The following DLGAP5 variants were observed in gnomAD, a reference collection of about 807,000 sequenced individuals.
The protein encoded by DLGAP5 is disks large-associated protein 5.
DLGAP5 carries 90 observed loss-of-function variants against 99.6 expected under a neutral mutation model. The ratio of observed to expected loss-of-function variants is 0.90; its 90% CI spans 0.76 to 1.08. The LOEUF is 1.08. Ranked by LOEUF, DLGAP5 falls within the 50% of genes least tolerant of loss-of-function variation. DLGAP5 has a pLI of 0.00. For synonymous variants in DLGAP5, 311 were observed against 321.3 expected (o/e 0.97, Z 0.34); for missense variants, 1,036 against 983.5 (o/e 1.05, Z -0.71).
intron 12 of DLGAP5, among the ~76,000 whole-genome samples, chr14:55,165,275 T>C (rs140274981): frequency 1.1e-3 from 172 of 152,192 alleles, no homozygotes; most frequent in Non-Finnish European, 2.0e-3. Context: ...ATCCTAGCAT[T>C]TTGGGAGGCT....
intron 12 of DLGAP5, among the ~76,000 whole-genome samples, chr14:55,163,562 T>TG (rs2140312332): frequency 6.6e-6 from 1 of 152,370 alleles, no homozygotes; most frequent in South Asian, 2.1e-4. Context: ...CTAGATCGTA[T>TG]GGTAGGAGTA....
intron 10 of DLGAP5, among the ~76,000 whole-genome samples, chr14:55,173,971 T>C (rs1050123334): frequency 1.3e-4 from 20 of 152,136 alleles, no homozygotes; most frequent in African/African-American, 3.4e-4. Context: ...GTGGGCACCT[T>C]GAAAAAACAG....
intron 13 of DLGAP5, among the ~76,000 whole-genome samples, chr14:55,161,795 A>AGTGATT (rs1882447092): frequency 6.9e-6 from 1 of 144,884 alleles, no homozygotes; most frequent in Non-Finnish European, 1.5e-5. Context: ...AATCACTTGA[A>AGTGATT]CTCAGGAGTC....
At chr14:55,164,013 A>G (rs1882544228) in intron 12 of DLGAP5, among the ~76,000 whole-genome samples, 1 of 152,216 alleles carries the variant, frequency 6.6e-6, no homozygotes. Context: ...ATTTTAAAAG[A>G]TACAAGTGTA....
At chr14:55,180,282 G>A (rs981674958) in intron 6 of DLGAP5, among the ~76,000 whole-genome samples, 2 of 152,114 alleles carry the variant, frequency 1.3e-5, no homozygotes, top group Non-Finnish European at 2.9e-5. Context: ...TTTTAGAACT[G>A]CGATCCTACT....
At chr14:55,179,482 C>A in intron 7 of DLGAP5, 147 bp downstream of exon 7, 1 of 540,954 alleles carries the variant, frequency 1.8e-6, no homozygotes, top group Non-Finnish European at 3.1e-6. Flanking sequence ...AGAGTAAATC[C>A]TCTTGATGCT....
intron 16 of DLGAP5, among the ~76,000 whole-genome samples, chr14:55,152,199 G>T (rs373964209): frequency 1.3e-5 from 2 of 152,196 alleles, no homozygotes; most frequent in African/African-American, 4.8e-5. Flanking sequence ...TTCTGTAAAA[G>T]ATCAAATAGT....
In DLGAP5 at chr14:55,176,090, T is replaced by C. The variant is rs551035939; in HGVS notation, c.1050-72A>G. The C allele has an allele frequency of 2.3e-5, 30 of 1,331,234 alleles. No homozygotes were observed. The Middle Eastern group carries it at 8.7e-4, about 39-fold the overall frequency. The allele number at this position is 1,331,234 out of a possible 1,614,324, so 82.5% of individuals were successfully genotyped here. On this transcript the variant is annotated intron_variant, in intron 8 of 18. Coordinates refer to ENST00000247191, the MANE Select transcript of DLGAP5 (RefSeq NM_014750.5). ...TATCTAATATAAAGGGTTTCAAAAT[T>C]GTGTCACTTGTAGATCTGGGCTAAA...
rs1165188284 is a variant in DLGAP5 at position 55,166,880 on chromosome 14, A to T, written c.1548+2519T>A. Among the ~76,000 whole-genome samples the T allele has an allele frequency of 8.7e-5, 10 of 114,888 alleles. No homozygotes were observed. The South Asian group carries it at 1.4e-3, about 16-fold the overall frequency. 75.4% of individuals were successfully genotyped at this position (114,888 alleles called of 152,430 possible). ...TACCTCATATAGCTCTTTTGTGTTT[A>T]AAAAAAAAAAAAAAAGTGCCCCAAT... On this transcript the variant is annotated intron_variant, in intron 12 of 18. Coordinates refer to ENST00000247191, the MANE Select transcript of DLGAP5 (RefSeq NM_014750.5).
chr14:55,180,924 C>G lies in DLGAP5; in HGVS notation c.581-146G>C. On this transcript the variant is annotated intron_variant, in intron 5 of 18. Transcript: ENST00000247191. Reference sequence around the variant, plus strand: ...TTCAGCCCAGGAGTTCGAAACCAGCCTAGGCAACATAGTGAGACCCCGTCT... The same window carrying G: ...TTCAGCCCAGGAGTTCGAAACCAGCGTAGGCAACATAGTGAGACCCCGTCT... The G allele has an allele frequency of 3.0e-6, 3 of 1,008,742 alleles. 1 individual carries two copies. In the South Asian group the frequency reaches 4.7e-5, roughly 16 times the overall value. The allele number at this position is 1,008,742 out of a possible 1,614,324, so 62.5% of individuals were successfully genotyped here. A position where few individuals can be genotyped will look rare whatever the true frequency, so the allele number is the denominator to read the frequency against.
At chr14:55,172,340 C>CAA (rs879341861) in intron 10 of DLGAP5, among the ~76,000 whole-genome samples, 180 of 98,284 alleles carry the variant, frequency 1.8e-3, no homozygotes, top group African/African-American at 7.0e-3. Context: ...AAAAAAAATA[C>CAA]AAAAAAAAAA....
chr14:55,173,588 T>C (rs1176810694), intron 10 of DLGAP5, among the ~76,000 whole-genome samples: 1 of 104,806 alleles, frequency 9.5e-6, no homozygotes, highest in Non-Finnish European at 1.8e-5. Flanking sequence ...ATATATGTTG[T>C]CTCTCTCTCT....
rs397852487 is a variant in DLGAP5, at chr14:55,188,779, T to TA, written c.238+162dup. 3.3e-3 allele frequency among the ~76,000 whole-genome samples: 383 copies of TA among 116,160 alleles called. 1 individual carries two copies. Among genetic ancestry groups the TA allele is most frequent in the East Asian group, 8.6e-3 (36 of 4,162 alleles). The allele number at this position is 116,160 out of a possible 152,430, so 76.2% of individuals were successfully genotyped here. On this transcript the variant is annotated intron_variant, in intron 2 of 18. Coordinates refer to ENST00000247191, the MANE Select transcript of DLGAP5 (RefSeq NM_014750.5). Reference sequence around the variant, plus strand: ...CAGTGAGACCCTGTCTCTTGTAATTTAAAAAAAAAAAAAAAAAAAAAAGGA... The same window carrying TA: ...CAGTGAGACCCTGTCTCTTGTAATTTAAAAAAAAAAAAAAAAAAAAAAAGGA...
intron 14 of DLGAP5, 36 bp from the exon 15 acceptor site, chr14:55,154,842 G>A (rs922153487): frequency 6.4e-7 from 1 of 1,565,000 alleles, no homozygotes; most frequent in Non-Finnish European, 8.7e-7. Flanking sequence ...ATACCAAATA[G>A]TTCTTTTGCT....
intron 15 of DLGAP5, 38 bp downstream of exon 15, chr14:55,154,579 G>T (rs777328639): frequency 7.3e-6 from 11 of 1,512,092 alleles, no homozygotes; most frequent in Non-Finnish European, 1.0e-5. Context: ...TTTAGTATCA[G>T]CAACTGTTAA....
chr14:55,159,715 T>C (rs111683572), intron 13 of DLGAP5, among the ~76,000 whole-genome samples: 6 of 152,210 alleles, frequency 3.9e-5, no homozygotes, highest in African/African-American at 1.2e-4. Context: ...GAATTAGAGC[T>C]TAGTAAGTGT....
intron 12 of DLGAP5, among the ~76,000 whole-genome samples, chr14:55,168,366 T>G (rs1329009908): frequency 1.3e-5 from 2 of 152,242 alleles, no homozygotes; most frequent in African/African-American, 4.8e-5. Flanking sequence ...CAGGTATTTT[T>G]ACTTGACAGA....
intron 13 of DLGAP5, among the ~76,000 whole-genome samples, chr14:55,161,969 A>G (rs976098863): frequency 2.0e-5 from 3 of 151,788 alleles, no homozygotes; most frequent in African/African-American, 7.2e-5. Flanking sequence ...AGGATTTAAG[A>G]CAGTTTTTAT....
chr14:55,162,047 C>T (rs1882462898), intron 13 of DLGAP5, among the ~76,000 whole-genome samples: 1 of 151,794 alleles, frequency 6.6e-6, no homozygotes, highest in African/African-American at 2.4e-5. Flanking sequence ...GCATTTTTCT[C>T]ATATCATAAA....
Sources: allele counts gnomAD v4.1 joint callset (sites outside exome capture counted in the v4.1 genomes callset), GRCh38; gene constraint gnomAD v4.1.1; transcripts MANE v1.5; gene names NCBI Gene and HGNC (gene_info 2026-07-23, HGNC 2026-07-21).